The following PREPL variants were observed in gnomAD, a reference collection of about 807,000 sequenced individuals.
PREPL encodes prolyl endopeptidase-like.
PREPL carries 77 observed loss-of-function variants against 70.6 expected under a neutral mutation model. The observed-to-expected ratio is 1.09, with a 90% CI of 0.91 to 1.32. The LOEUF (loss-of-function observed/expected upper bound fraction) is 1.32, where lower values mean the gene tolerates loss of function less well. PREPL is among the 40% of genes most tolerant of loss of function. The pLI, the probability that PREPL is intolerant of heterozygous loss-of-function variation, is 0.00. For synonymous variants in PREPL, 315 were observed against 264.8 expected (o/e 1.19, Z -1.84); for missense variants, 1,002 against 778.2 (o/e 1.29, Z -3.42).
intron 7 of PREPL, among the ~76,000 whole-genome samples, chr2:44,333,792 A>G (rs1674360670): frequency 6.6e-6 from 1 of 152,202 alleles, no homozygotes; most frequent in Non-Finnish European, 1.5e-5. Flanking sequence ...AAATTGAGAA[A>G]TCTGGTAGCA....
chr2:44,347,729 C>G (rs975480871), intron 1 of PREPL, among the ~76,000 whole-genome samples: 1 of 152,128 alleles, frequency 6.6e-6, no homozygotes, highest in Admixed American at 6.5e-5. Context: ...TGATTTGTAC[C>G]AGAGGGGGGA....
intron 7 of PREPL, among the ~76,000 whole-genome samples, chr2:44,336,244 T>G (rs752507201): frequency 2.0e-5 from 3 of 152,164 alleles, no homozygotes; most frequent in Non-Finnish European, 4.4e-5. Context: ...TAAAGACACA[T>G]GCACACATTA....
chr2:44,329,069 G>C lies in PREPL; in HGVS notation c.1130C>G (p.Ser377Cys). Residue 377 changes from serine to cysteine, a missense_variant, in exon 9 of 14, where the codon TCT (serine) becomes TGT (cysteine). Transcript: ENST00000409411. ...VPMTVFHKTD[S>C]EDLQKKPLLV... ...GAGAGGTTTCTTCTGCAAGTCCTCA[G>C]AGTCAGTTTTGTGGAAAACAGTCAT... The C allele has an allele frequency of 1.2e-6, 2 of 1,611,032 alleles. No individual in the cohort carries two copies. The highest frequency in any genetic ancestry group is 1.7e-6 in the Non-Finnish European group (2 of 1,177,376).
chr2:44,328,549 G>C (rs1443873906), intron 9 of PREPL, among the ~76,000 whole-genome samples: 1 of 151,776 alleles, frequency 6.6e-6, no homozygotes, highest in East Asian at 1.9e-4. Flanking sequence ...TCTAGAGATG[G>C]GGAGGTGGAG....
At chr2:44,334,148 G>A (rs1674400958) in intron 7 of PREPL, among the ~76,000 whole-genome samples, 1 of 152,150 alleles carries the variant, frequency 6.6e-6, no homozygotes, top group Non-Finnish European at 1.5e-5. Context: ...CTAACTCAAG[G>A]ATATCTTAAG....
chr2:44,321,148 T>G lies in PREPL; in HGVS notation c.*208A>C. On this transcript the variant is annotated 3_prime_UTR_variant, in exon 14 of 14. Coordinates refer to ENST00000409411, the MANE Select transcript of PREPL (RefSeq NM_001171613.2). The stretch of plus-strand genomic sequence containing the variant: ...TAAGGAGCATGATTTGAAAATTACT[T>G]TCCTAGGTTAATGGGCATGTGCATC... The G allele has an allele frequency of 1.8e-6, 1 of 542,470 alleles. No homozygotes were observed. The highest frequency in any genetic ancestry group is 3.3e-6 in the Non-Finnish European group (1 of 300,058). 33.6% of individuals were successfully genotyped at this position (542,470 alleles called of 1,614,324 possible). A position where few individuals can be genotyped will look rare whatever the true frequency, so the allele number is the denominator to read the frequency against.
intron 8 of PREPL, among the ~76,000 whole-genome samples, chr2:44,330,768 G>C (rs1049771901): frequency 1.3e-5 from 2 of 152,126 alleles, no homozygotes; most frequent in African/African-American, 4.8e-5. Flanking sequence ...TTAAATTCAA[G>C]GCTATAGTTT....
intron 8 of PREPL, 128 bp downstream of exon 8, chr2:44,332,331 G>T: frequency 1.3e-6 from 1 of 743,754 alleles, no homozygotes; most frequent in Non-Finnish European, 2.2e-6. Flanking sequence ...AAGTCACTTG[G>T]GTATTACTGT....
chr2:44,335,903 A>G (rs960619085), intron 7 of PREPL, among the ~76,000 whole-genome samples: 1 of 152,174 alleles, frequency 6.6e-6, no homozygotes, highest in Non-Finnish European at 1.5e-5. Flanking sequence ...GGACATGAAC[A>G]GATATTTTTA....
At chr2:44,344,260 T>C (rs1675538364) in intron 3 of PREPL, among the ~76,000 whole-genome samples, 1 of 152,128 alleles carries the variant, frequency 6.6e-6, no homozygotes, top group African/African-American at 2.4e-5. Flanking sequence ...ATCAACAATA[T>C]ATGCCAAGTG....
intron 9 of PREPL, 79 bp from the exon 10 acceptor site, chr2:44,327,007 A>G: frequency 8.1e-7 from 1 of 1,239,298 alleles, no homozygotes; most frequent in East Asian, 2.5e-5. Context: ...CTACACCTGG[A>G]GGCCTGTTTT....
chr2:44,346,443 T>C (rs1426357609), intron 1 of PREPL, 53 bp from the exon 2 acceptor site: 12 of 1,577,378 alleles, frequency 7.6e-6, no homozygotes, highest in Non-Finnish European at 1.0e-5. Flanking sequence ...AAAAAAAACT[T>C]TTGCTTTTTA....
Position 44,320,871 on chromosome 2 carries a change from G to A in PREPL, c.*485C>T. On this transcript the variant is annotated 3_prime_UTR_variant, in exon 14 of 14. Transcript: ENST00000409411. ...AACTTTATTCAGATAGCATCAATCAGGGATGACCAGAACACATTAGGACCC... is the reference window on the plus strand; with the variant it reads ...AACTTTATTCAGATAGCATCAATCAAGGATGACCAGAACACATTAGGACCC... The A allele has an allele frequency of 1.8e-6, 1 of 547,236 alleles. No individual in the cohort carries two copies. The highest frequency in any genetic ancestry group is 2.1e-5 in the South Asian group (1 of 48,162). 33.9% of individuals were successfully genotyped at this position (547,236 alleles called of 1,614,324 possible).
In PREPL at chr2:44,320,702, T is replaced by C; in HGVS notation, c.*654A>G. The C allele has an allele frequency of 8.2e-7, 1 of 1,215,798 alleles. No homozygotes were observed. The highest frequency in any genetic ancestry group is 1.2e-5 in the South Asian group (1 of 82,354). The allele number at this position is 1,215,798 out of a possible 1,614,324, so 75.3% of individuals were successfully genotyped here. On this transcript the variant is annotated 3_prime_UTR_variant, in exon 14 of 14. Transcript: ENST00000409411. ...TGGGATTGTAAGCATTTGTAATAGC[T>C]TCATGTACAGCATGCTGCTTGGTGA...
chr2:44,320,225 T>G lies in PREPL; in HGVS notation c.*1131A>C, dbSNP rs767384096. The G allele has an allele frequency of 6.2e-7, 1 of 1,613,974 alleles. No homozygotes were observed. Among genetic ancestry groups the G allele is most frequent in the Non-Finnish European group, 8.5e-7 (1 of 1,179,888 alleles). ...TCCAAAAGACTCAGCCCAGATCGGC[T>G]TTGAAGTTATATCAAGATTTAAGTC... On this transcript the variant is annotated 3_prime_UTR_variant, in exon 14 of 14. Coordinates refer to ENST00000409411, the MANE Select transcript of PREPL (RefSeq NM_001171613.2).
At chr2:44,321,641 T>TCAAGTA in intron 13 of PREPL, 186 bp downstream of exon 13, 1 of 1,499,420 alleles carries the variant, frequency 6.7e-7, no homozygotes, top group Non-Finnish European at 8.9e-7. Context: ...AGCTCACGTA[T>TCAAGTA]CAAGTACAAG....
At chr2:44,326,976 C>A (rs2103754464) in intron 9 of PREPL, 48 bp from the exon 10 acceptor site, 1 of 1,523,516 alleles carries the variant, frequency 6.6e-7, no homozygotes, top group Non-Finnish European at 9.0e-7. Context: ...AAAGTTAATA[C>A]TGTAGGCTGG....
At chr2:44,324,891 A>G (rs1022165145) in intron 10 of PREPL, among the ~76,000 whole-genome samples, 1 of 152,086 alleles carries the variant, frequency 6.6e-6, no homozygotes, top group Non-Finnish European at 1.5e-5. Flanking sequence ...TCTGACTCAA[A>G]AAACAAAACA....
Position 44,318,095 on chromosome 2 carries a change from G to GT in PREPL, c.*3260dup, listed in dbSNP as rs11348872. 0.029 allele frequency: 11,541 copies of GT among 392,224 alleles called. 11 individuals carry two copies. Among genetic ancestry groups the GT allele is most frequent in the East Asian group, 0.11 (1,288 of 12,026 alleles). The allele number at this position is 392,224 out of a possible 1,614,324, so 24.3% of individuals were successfully genotyped here. A position where few individuals can be genotyped will look rare whatever the true frequency, so the allele number is the denominator to read the frequency against. On this transcript the variant is annotated 3_prime_UTR_variant, in exon 14 of 14. Coordinates refer to ENST00000409411, the MANE Select transcript of PREPL (RefSeq NM_001171613.2). ...ATAATACTTAAAGGATCTCAACACT[G>GT]TTTTTTTTTTTTTTTGAGACAGTCT... is the stretch of plus-strand genomic sequence containing the variant.
Sources: gnomAD v4.1 joint callset for allele counts (sites outside exome capture counted in the v4.1 genomes callset) on GRCh38, gnomAD v4.1.1 for gene constraint, MANE v1.5 for transcripts, NCBI Gene and HGNC (gene_info 2026-07-23, HGNC 2026-07-21) for gene names.